RFC3: variants seen among roughly 807,000 people sequenced by gnomAD.
The protein encoded by RFC3 is replication factor C subunit 3, also known as A1 38 kDa subunit.
RFC3 carries 41 observed loss-of-function variants against 45.1 expected under a neutral mutation model. That is an observed-to-expected ratio of 0.91 (90% CI 0.71 to 1.18). The LOEUF (loss-of-function observed/expected upper bound fraction) is 1.18. Ranked by LOEUF, RFC3 falls within the 50% of genes most tolerant of loss-of-function variation. The pLI is 0.00. For synonymous variants in RFC3, 149 were observed against 144.0 expected, an observed-to-expected ratio of 1.03 and a Z score of -0.25; for missense variants, 423 against 428.1, an observed-to-expected ratio of 0.99 and a Z score of 0.10.
intron 8 of RFC3, chr13:33,850,714 C>A (rs1357207660): frequency 6.6e-6 from 1 of 152,062 alleles, no homozygotes; most frequent in Non-Finnish European, 1.5e-5. Flanking sequence ...ACTTACAGGA[C>A]AAACTCATTT....
At chr13:33,930,997 T>C (rs1349832311) in intron 8 of RFC3, among the ~76,000 whole-genome samples, 1 of 152,102 alleles carries the variant, frequency 6.6e-6, no homozygotes, top group Non-Finnish European at 1.5e-5. Context: ...TTTTTTTTAG[T>C]GACAGCTTAT....
At chr13:33,852,153 C>G (rs2082280759) in intron 8 of RFC3, among the ~76,000 whole-genome samples, 1 of 152,126 alleles carries the variant, frequency 6.6e-6, no homozygotes. Flanking sequence ...TTATTGTCAT[C>G]CAGGAATAAT....
rs2082093432 is a variant in RFC3, at chr13:33,830,667, A to C, written c.574-52A>C. 4.0e-6 allele frequency: 6 copies of C among 1,489,290 alleles called. No homozygotes were observed. The South Asian group carries it at 7.3e-5, about 18-fold the overall frequency. 92.3% of individuals were successfully genotyped at this position (1,489,290 alleles called of 1,614,324 possible). A position where few individuals can be genotyped will look rare whatever the true frequency, so the allele number is the denominator to read the frequency against. The stretch of plus-strand genomic sequence containing the variant: ...TCTAGGAGGATATCAACAGAAATGA[A>C]TCTTAATCTGCTTTTTAATGGATTG... On this transcript the variant is annotated intron_variant, in intron 5 of 8. Transcript: ENST00000380071.
chr13:33,836,233 G>T lies in RFC3; in HGVS notation c.1009G>T (p.Ala337Ser), dbSNP rs148210921. 38 of 1,613,316 alleles carry T rather than the reference G, an allele frequency of 2.4e-5. No homozygotes were observed. The highest frequency in any genetic ancestry group is 3.1e-5 in the Non-Finnish European group (36 of 1,179,536). Reference protein sequence around the residue: ...KAIYHLEAFVAKFMALYKKFM... With the variant: ...KAIYHLEAFVSKFMALYKKFM... Reference sequence around the variant, plus strand: ...CATTTATCACTTGGAAGCGTTTGTGGCCAAATTCATGGCACTTTATAAGAA... The same window carrying T: ...CATTTATCACTTGGAAGCGTTTGTGTCCAAATTCATGGCACTTTATAAGAA... The change falls in exon 9 of 9, where the codon GCC (alanine) becomes TCC (serine). Residue 337 changes from alanine to serine, a missense_variant. Ala to Ser is a moderately conservative substitution (Grantham distance 99, BLOSUM62 1). Coordinates refer to ENST00000380071, the MANE Select transcript of RFC3 (RefSeq NM_002915.4).
chr13:33,953,644 A>C (rs989178109), intron 8 of RFC3, among the ~76,000 whole-genome samples: 4 of 152,178 alleles, frequency 2.6e-5, no homozygotes, highest in Non-Finnish European at 4.4e-5. Flanking sequence ...TAATTCCCAA[A>C]GTCAGCTAGA....
At chr13:33,852,533 A>T (rs2082282880) in intron 8 of RFC3, among the ~76,000 whole-genome samples, 1 of 152,132 alleles carries the variant, frequency 6.6e-6, no homozygotes, top group Non-Finnish European at 1.5e-5. Flanking sequence ...TTGGGGAGTA[A>T]CCCTCAGAAA....
chr13:33,832,206 C>T (rs566940002), intron 7 of RFC3, among the ~76,000 whole-genome samples: 14 of 152,160 alleles, frequency 9.2e-5, no homozygotes, highest in Non-Finnish European at 1.3e-4. Context: ...GTTCCTCAGA[C>T]TTGGCTAAAG....
intron 8 of RFC3, among the ~76,000 whole-genome samples, chr13:33,901,203 A>G (rs2082639772): frequency 6.6e-6 from 1 of 152,062 alleles, no homozygotes; most frequent in Non-Finnish European, 1.5e-5. Context: ...TGTATCCACA[A>G]GAAAGTAAAT....
intron 8 of RFC3, among the ~76,000 whole-genome samples, chr13:33,886,214 C>A (rs919497833): frequency 6.6e-6 from 1 of 152,082 alleles, no homozygotes; most frequent in Admixed American, 6.6e-5. Context: ...TAGCCACATG[C>A]CTGAACTACC....
chr13:33,961,492 CAG>C (rs1404786100), intron 8 of RFC3, among the ~76,000 whole-genome samples: 1 of 152,104 alleles, frequency 6.6e-6, no homozygotes, highest in African/African-American at 2.4e-5. Context: ...AATAGAATAA[CAG>C]AATGGCTGGC....
downstream of RFC3, among the ~76,000 whole-genome samples, chr13:33,842,321 T>C (rs2082205498): frequency 6.6e-6 from 1 of 151,768 alleles, no homozygotes; most frequent in African/African-American, 2.4e-5. Context: ...CCAGAAATAA[T>C]TTGTAAGTTT....
chr13:33,950,556 T>C (rs1325067717), intron 8 of RFC3, among the ~76,000 whole-genome samples: 1 of 152,188 alleles, frequency 6.6e-6, no homozygotes, highest in African/African-American at 2.4e-5. Flanking sequence ...TCTAACTTGA[T>C]AATTTGGGCT....
chr13:33,886,889 G>GT (rs1172821026), intron 8 of RFC3, among the ~76,000 whole-genome samples: 1 of 148,318 alleles, frequency 6.7e-6, no homozygotes, highest in Non-Finnish European at 1.5e-5. Flanking sequence ...GCGGTGTTTG[G>GT]TTTTTTGTTC....
At chr13:33,956,504 T>C (rs1310003258) in intron 8 of RFC3, among the ~76,000 whole-genome samples, 6 of 152,236 alleles carry the variant, frequency 3.9e-5, no homozygotes, top group Non-Finnish European at 7.3e-5. Flanking sequence ...TAGAAACATA[T>C]GCTACAGGAG....
chr13:33,915,361 A>G (rs149346466), intron 8 of RFC3, among the ~76,000 whole-genome samples: 117 of 152,240 alleles, frequency 7.7e-4, no homozygotes, highest in African/African-American at 2.7e-3. Context: ...ATATGTGTAT[A>G]TCTCTTTCTA....
chr13:33,835,126 C>G (rs369435129), intron 7 of RFC3, 22 bp from the exon 8 acceptor site: 84 of 1,504,796 alleles, frequency 5.6e-5, no homozygotes, highest in Non-Finnish European at 7.6e-5. Flanking sequence ...TCACAAAATA[C>G]CAATTATTTT....
intron 1 of RFC3, 84 bp downstream of exon 1, chr13:33,818,349 C>T (rs1008323666): frequency 1.8e-6 from 2 of 1,091,932 alleles, no homozygotes; most frequent in Non-Finnish European, 2.8e-6. Flanking sequence ...CAGTGCTTCT[C>T]CCGCCCGCAT....
intron 8 of RFC3, among the ~76,000 whole-genome samples, chr13:33,905,033 G>A (rs1378159028): frequency 1.3e-5 from 2 of 152,128 alleles, no homozygotes; most frequent in African/African-American, 4.8e-5. Flanking sequence ...TGACCAGAGA[G>A]GGATATATCA....
intron 8 of RFC3, among the ~76,000 whole-genome samples, chr13:33,900,168 CA>C (rs1251111533): frequency 6.6e-6 from 1 of 151,652 alleles, no homozygotes; most frequent in Admixed American, 6.6e-5. Context: ...CACAGAAATA[CA>C]AAAAGCAATT....
Sources: allele counts gnomAD v4.1 joint callset (sites outside exome capture counted in the v4.1 genomes callset), GRCh38; gene constraint gnomAD v4.1.1; transcripts MANE v1.5; gene names NCBI Gene and HGNC (gene_info 2026-07-23, HGNC 2026-07-21).